The following FGF13 variants were observed in gnomAD, a reference collection of about 807,000 sequenced individuals.
FGF13 encodes the protein fibroblast growth factor homologous factor 2.
In FGF13, 2 loss-of-function variants were observed where a neutral mutation model predicts 19.5. That is an observed-to-expected ratio of 0.10 (90% confidence interval 0.04 to 0.32). The LOEUF (loss-of-function observed/expected upper bound fraction) is 0.32, where lower values mean the gene tolerates loss of function less well. FGF13 is among the 10% of genes least tolerant of loss of function. The pLI is 1.00. For synonymous variants in FGF13, 72 were observed against 76.9 expected (o/e 0.94, Z 0.33); for missense variants, 113 against 192.7 (o/e 0.59, Z 2.45).
rs2088965473 is a variant in FGF13 at position 138,616,126 on chromosome X, C to T, written c.*16724G>A. The T allele has an allele frequency of 8.9e-6, 1 of 111,775 alleles. No homozygotes were observed. Among genetic ancestry groups the T allele is most frequent in the African/African-American group, 3.3e-5 (1 of 30,704 alleles). The allele number at this position is 111,775 out of a possible 1,213,427, so 9.2% of individuals were successfully genotyped here. A position where few individuals can be genotyped will look rare whatever the true frequency, so the allele number is the denominator to read the frequency against. Reference sequence around the variant, plus strand: ...ACAATCATGCCCTTCCAATAGTCCCCCAAAGTATTAACTCATTCAAACATT... The same window carrying T: ...ACAATCATGCCCTTCCAATAGTCCCTCAAAGTATTAACTCATTCAAACATT... On this transcript the variant is annotated 3_prime_UTR_variant, in exon 5 of 5. Coordinates refer to ENST00000315930, the MANE Select transcript of FGF13 (RefSeq NM_004114.5).
chrX:139,076,420 C>T (rs952266535), intron 1 of FGF13, among the ~76,000 whole-genome samples: 3 of 111,256 alleles, frequency 2.7e-5, no homozygotes, highest in Non-Finnish European at 3.8e-5. Flanking sequence ...ATCTGGTTTT[C>T]GCATTCACCA....
chrX:138,982,272 T>C (rs771605902), intron 1 of FGF13, among the ~76,000 whole-genome samples: 1 of 111,450 alleles, frequency 9.0e-6, no homozygotes. Flanking sequence ...TGGTGAGAGC[T>C]GAAAGATGGA....
intron 1 of FGF13, among the ~76,000 whole-genome samples, chrX:138,983,030 T>C (rs911566594): frequency 8.9e-6 from 1 of 112,012 alleles, no homozygotes; most frequent in Non-Finnish European, 1.9e-5. Context: ...GTATCAGATA[T>C]ATAGTTTGCA....
chrX:139,052,633 C>T (rs62602241), intron 1 of FGF13, among the ~76,000 whole-genome samples: 9,591 of 110,696 alleles, frequency 0.087, 390 homozygotes, highest in South Asian at 0.19. Context: ...GCTAAAGCTG[C>T]GCCTTGCTTT....
At chrX:139,073,168 T>C (rs1407897773) in intron 1 of FGF13, among the ~76,000 whole-genome samples, 2 of 101,677 alleles carry the variant, frequency 2.0e-5, no homozygotes, top group African/African-American at 7.1e-5. Flanking sequence ...CATTGCTCCC[T>C]CCATTTCCCC....
In FGF13 at chrX:138,621,652, A is replaced by C. The variant is rs1262593042; in HGVS notation, c.*11198T>G. 9.0e-6 allele frequency: 1 copy of C among 111,615 alleles called. No individual in the cohort carries two copies. Among genetic ancestry groups the C allele is most frequent in the Non-Finnish European group, 1.9e-5 (1 of 53,038 alleles). 9.2% of individuals were successfully genotyped at this position (111,615 alleles called of 1,213,427 possible). A position where few individuals can be genotyped will look rare whatever the true frequency, so the allele number is the denominator to read the frequency against. ...ACTAGAAAAATAAAAAAGAGCAATAAAACTGAGTTGTTTTTTGAAAAGATT... is the reference window on the plus strand; with the variant it reads ...ACTAGAAAAATAAAAAAGAGCAATACAACTGAGTTGTTTTTTGAAAAGATT... On this transcript the variant is annotated 3_prime_UTR_variant, in exon 5 of 5. Transcript: ENST00000315930.
chrX:138,885,988 C>T (rs964399087), intron 1 of FGF13, among the ~76,000 whole-genome samples: 2 of 111,475 alleles, frequency 1.8e-5, no homozygotes, highest in African/African-American at 6.5e-5. Context: ...AAAATAACTA[C>T]GGTAATGGTA....
intron 1 of FGF13, among the ~76,000 whole-genome samples, chrX:138,880,521 G>A (rs1052738460): frequency 2.7e-5 from 3 of 111,593 alleles, no homozygotes; most frequent in Non-Finnish European, 3.8e-5. Flanking sequence ...ATGAGTTCAC[G>A]TCCTTTACAG....
chrX:138,863,733 G>GT (rs1283945164), intron 2 of FGF13, among the ~76,000 whole-genome samples: 5 of 111,751 alleles, frequency 4.5e-5, no homozygotes, highest in African/African-American at 1.3e-4. Flanking sequence ...AAAGTAAATG[G>GT]TATCTGCAAT....
chrX:138,697,038 G>A (rs2089903135), intron 3 of FGF13, among the ~76,000 whole-genome samples: 1 of 112,018 alleles, frequency 8.9e-6, no homozygotes, highest in Non-Finnish European at 1.9e-5. Context: ...TTTGCAATAT[G>A]TGTTGAAAAA....
chrX:139,089,676 G>T (rs920497919), intron 1 of FGF13, among the ~76,000 whole-genome samples: 5 of 111,587 alleles, frequency 4.5e-5, no homozygotes, highest in East Asian at 2.8e-4. Flanking sequence ...TTTCTCTATG[G>T]TTTGCTCTCA....
chrX:139,002,848 C>A (rs1046848065), intron 1 of FGF13, among the ~76,000 whole-genome samples: 28 of 111,648 alleles, frequency 2.5e-4, no homozygotes, highest in African/African-American at 5.2e-4. Flanking sequence ...GACTAAAGAG[C>A]CCTTGGGCCC....
At chrX:139,165,392 T>C (rs1358403553) in intron 1 of FGF13, among the ~76,000 whole-genome samples, 1 of 112,032 alleles carries the variant, frequency 8.9e-6, no homozygotes, top group Admixed American at 9.5e-5. Flanking sequence ...ATCTGCAGCC[T>C]GCCACATAAA....
chrX:138,815,711 G>A (rs1402175460), intron 3 of FGF13, among the ~76,000 whole-genome samples: 1 of 109,826 alleles, frequency 9.1e-6, no homozygotes, highest in African/African-American at 3.3e-5. Context: ...CATGGCACAT[G>A]TATACATATG....
At chrX:139,134,628 T>C (rs1287857121) in intron 1 of FGF13, among the ~76,000 whole-genome samples, 2 of 111,848 alleles carry the variant, frequency 1.8e-5, no homozygotes, top group African/African-American at 6.5e-5. Flanking sequence ...TGGAGCCCGA[T>C]ACACAACGTA....
rs1444987424 is a variant in FGF13, at chrX:138,761,901, C to G, written c.218-52973G>C. ...TCTGACTCCTAATTGCAGGTGGTGA[C>G]AGAGGTCTGTCAACACCTCTTTTTT... On this transcript the variant is annotated intron_variant, in intron 3 of 6. Transcript: ENST00000436198. Among the ~76,000 whole-genome samples the G allele has an allele frequency of 4.5e-5, 5 of 110,312 alleles. No individual in the cohort carries two copies. The East Asian group carries it at 1.4e-3, about 31-fold the overall frequency.
intron 3 of FGF13, among the ~76,000 whole-genome samples, chrX:138,681,166 CAAAAAAA>C (rs759043580): frequency 2.0e-4 from 8 of 40,851 alleles, no homozygotes; most frequent in South Asian, 1.1e-3. Context: ...AGAGTGAGAC[CAAAAAAA>C]AAAAAAAAAA....
intron 3 of FGF13, among the ~76,000 whole-genome samples, chrX:138,832,974 G>C (rs776673253): frequency 4.8e-4 from 53 of 111,471 alleles, no homozygotes; most frequent in African/African-American, 1.6e-3. Context: ...ATAGTTATAG[G>C]TGTGCAGACT....
intron 1 of FGF13, among the ~76,000 whole-genome samples, chrX:139,144,058 G>C (rs1165579165): frequency 9.0e-6 from 1 of 111,471 alleles, no homozygotes; most frequent in African/African-American, 3.3e-5. Flanking sequence ...GCCAAGGAAA[G>C]GTAGCCCTGG....
Sources: gnomAD v4.1 joint callset for allele counts (sites outside exome capture counted in the v4.1 genomes callset) on GRCh38, gnomAD v4.1.1 for gene constraint, MANE v1.5 for transcripts, NCBI Gene and HGNC (gene_info 2026-07-23, HGNC 2026-07-21) for gene names.